Variants in PPP2R5A observed in about 807,000 individuals in gnomAD.
PPP2R5A encodes the protein serine/threonine-protein phosphatase 2A 56 kDa regulatory subunit alpha isoform.
A neutral mutation model predicts 64.2 loss-of-function variants in PPP2R5A; 25 were observed. The observed-to-expected ratio is 0.39, with a 90% CI of 0.28 to 0.54. The LOEUF (loss-of-function observed/expected upper bound fraction) is 0.54. Among genes scored for constraint, PPP2R5A ranks in the 20% least tolerant of loss-of-function variants. The pLI is 0.67. For synonymous variants in PPP2R5A, 198 were observed against 201.2 expected (o/e 0.98, Z 0.13); for missense variants, 425 against 576.3 (o/e 0.74, Z 2.69).
chr1:212,355,259 C>G (rs1217075319), intron 8 of PPP2R5A, among the ~76,000 whole-genome samples: 1 of 151,670 alleles, frequency 6.6e-6, no homozygotes, highest in East Asian at 1.9e-4. Context: ...CTGAATTTTC[C>G]TACTCACTCT....
intron 6 of PPP2R5A, 69 bp from the exon 7 acceptor site, chr1:212,348,320 T>C: frequency 1.0e-6 from 1 of 957,988 alleles, no homozygotes; most frequent in Non-Finnish European, 1.7e-6. Context: ...TATGTACTCA[T>C]GGATATGACA....
chr1:212,321,137 C>G (rs1159760885), intron 1 of PPP2R5A, among the ~76,000 whole-genome samples: 1 of 135,820 alleles, frequency 7.4e-6, no homozygotes, highest in Non-Finnish European at 1.6e-5. Flanking sequence ...CCAGTAGGGG[C>G]GGCCGGCAGA....
At chr1:212,301,584 C>T (rs944713923) in intron 1 of PPP2R5A, among the ~76,000 whole-genome samples, 6 of 152,164 alleles carry the variant, frequency 3.9e-5, no homozygotes, top group Admixed American at 6.5e-5. Context: ...CATATTTAGT[C>T]ACAGTGCTGT....
intron 1 of PPP2R5A, among the ~76,000 whole-genome samples, chr1:212,293,407 A>T (rs918629542): frequency 6.6e-6 from 1 of 152,234 alleles, no homozygotes; most frequent in Non-Finnish European, 1.5e-5. Context: ...TGAAGGAGGT[A>T]AAAGGAACAG....
intron 1 of PPP2R5A, among the ~76,000 whole-genome samples, chr1:212,288,757 T>C (rs1435326527): frequency 6.6e-6 from 1 of 152,208 alleles, no homozygotes; most frequent in Non-Finnish European, 1.5e-5. Context: ...AGCCCTTTAG[T>C]ATGTGTATGA....
chr1:212,304,832 A>G (rs1417026151), intron 1 of PPP2R5A, among the ~76,000 whole-genome samples: 1 of 148,560 alleles, frequency 6.7e-6, no homozygotes. Context: ...TCACAGGTTC[A>G]AGCGATTCTC....
At chr1:212,319,904 T>A (rs1309485292) in intron 1 of PPP2R5A, among the ~76,000 whole-genome samples, 1 of 151,530 alleles carries the variant, frequency 6.6e-6, no homozygotes, top group East Asian at 1.9e-4. Flanking sequence ...ATTACAGGCA[T>A]GAGCCACTGT....
chr1:212,329,075 A>G, intron 1 of PPP2R5A, 60 bp from the exon 2 acceptor site: 3 of 1,211,454 alleles, frequency 2.5e-6, no homozygotes, highest in Non-Finnish European at 3.3e-6. Context: ...AAATTAATAA[A>G]TATATAAAAG....
intron 1 of PPP2R5A, among the ~76,000 whole-genome samples, chr1:212,322,085 G>T (rs962233612): frequency 6.6e-6 from 1 of 151,534 alleles, no homozygotes; most frequent in Admixed American, 6.6e-5. Context: ...GCACTCGGCA[G>T]GCTGAGGCAG....
intron 1 of PPP2R5A, chr1:212,306,943 G>C (rs1316193214): frequency 6.6e-6 from 1 of 151,948 alleles, no homozygotes; most frequent in Non-Finnish European, 1.5e-5. Context: ...GTAGTTTTTA[G>C]TAGAGACAGG....
intron 1 of PPP2R5A, among the ~76,000 whole-genome samples, chr1:212,288,556 C>G (rs969516136): frequency 5.3e-5 from 8 of 152,120 alleles, no homozygotes; most frequent in African/African-American, 1.9e-4. Context: ...AAGACCCTTA[C>G]TTGGATTACA....
At chr1:212,339,329 C>A (rs1262554186) in intron 3 of PPP2R5A, among the ~76,000 whole-genome samples, 1 of 152,136 alleles carries the variant, frequency 6.6e-6, no homozygotes, top group Admixed American at 6.5e-5. Flanking sequence ...AGGCATGCAC[C>A]ACCATGTCTG....
chr1:212,319,879 T>TGGAA (rs1659233919), intron 1 of PPP2R5A, among the ~76,000 whole-genome samples: 1 of 151,668 alleles, frequency 6.6e-6, no homozygotes, highest in African/African-American at 2.4e-5. Context: ...CGTCTCAGCC[T>TGGAA]TCCAAAGTGC....
chr1:212,312,995 A>G lies in PPP2R5A; in HGVS notation c.182-16140A>G, dbSNP rs556855120. Among the ~76,000 whole-genome samples the G allele has an allele frequency of 3.2e-4, 48 of 152,336 alleles. No homozygotes were observed. The East Asian group carries it at 9.1e-3, about 29-fold the overall frequency. ...TTCAACATAAATAGAGAAAATAGAAAGTTCCTTCTCTGTATAGTTGCCTTC... is the reference window on the plus strand; with the variant it reads ...TTCAACATAAATAGAGAAAATAGAAGGTTCCTTCTCTGTATAGTTGCCTTC... On this transcript the variant is annotated intron_variant, in intron 1 of 12. Transcript: ENST00000261461.
rs574222781 is a variant in PPP2R5A, at chr1:212,347,530, C to T, written c.764+124C>T. ...AGTTTAAATGTAGAACACATAGTTT[C>T]TCAACTGAAGTCTTTTTTTTTTTTT... On this transcript the variant is annotated intron_variant, in intron 6 of 12. Coordinates refer to ENST00000261461, the MANE Select transcript of PPP2R5A (RefSeq NM_006243.4). 2.6e-4 allele frequency: 174 copies of T among 680,158 alleles called. No individual in the cohort carries two copies. The East Asian group carries it at 5.2e-3, about 20-fold the overall frequency. 42.1% of individuals were successfully genotyped at this position (680,158 alleles called of 1,614,324 possible). A position where few individuals can be genotyped will look rare whatever the true frequency, so the allele number is the denominator to read the frequency against.
intron 1 of PPP2R5A, among the ~76,000 whole-genome samples, chr1:212,324,796 A>G (rs1470865626): frequency 2.0e-5 from 3 of 152,028 alleles, no homozygotes; most frequent in Non-Finnish European, 4.4e-5. Flanking sequence ...TAGTAGAGAC[A>G]GGGTTTCACC....
intron 1 of PPP2R5A, among the ~76,000 whole-genome samples, chr1:212,298,830 G>A (rs1257346177): frequency 1.8e-4 from 7 of 38,032 alleles, no homozygotes; most frequent in Non-Finnish European, 3.0e-4. Flanking sequence ...GGGCGGCCGG[G>A]CAGAGGCGCC....
intron 7 of PPP2R5A, 38 bp downstream of exon 7, chr1:212,348,535 T>C (rs1659822617): frequency 1.5e-6 from 2 of 1,371,072 alleles, no homozygotes; most frequent in African/African-American, 1.5e-5. Flanking sequence ...ATGAATATTA[T>C]TTCAAAGGCC....
chr1:212,356,046 A>G (rs771100760), intron 8 of PPP2R5A, among the ~76,000 whole-genome samples: 22 of 152,210 alleles, frequency 1.4e-4, no homozygotes, highest in Non-Finnish European at 2.6e-4. Context: ...CCTGGGCGAC[A>G]AAGTGAGACT....
Sources: gnomAD v4.1 joint callset for allele counts (sites outside exome capture counted in the v4.1 genomes callset) on GRCh38, gnomAD v4.1.1 for gene constraint, MANE v1.5 for transcripts, NCBI Gene and HGNC (gene_info 2026-07-23, HGNC 2026-07-21) for gene names.